The following NKAIN2 variants were observed in gnomAD, a reference collection of about 807,000 sequenced individuals.
NKAIN2 encodes sodium/potassium-transporting ATPase subunit beta-1-interacting protein 2.
NKAIN2 carries 14 observed loss-of-function variants against 32.6 expected under a neutral mutation model. The ratio of observed to expected loss-of-function variants is 0.43; its 90% CI spans 0.28 to 0.67. The LOEUF (loss-of-function observed/expected upper bound fraction) is 0.67. Among genes scored for constraint, NKAIN2 ranks in the 30% least tolerant of loss-of-function variants. NKAIN2 has a pLI of 0.17. For synonymous variants in NKAIN2, 80 were observed against 87.2 expected, an observed-to-expected ratio of 0.92 and a Z score of 0.46; for missense variants, 198 against 258.3, an observed-to-expected ratio of 0.77 and a Z score of 1.60.
At chr6:124,726,011 A>C (rs1465551138) in intron 4 of NKAIN2, among the ~76,000 whole-genome samples, 1 of 152,120 alleles carries the variant, frequency 6.6e-6, no homozygotes, top group Non-Finnish European at 1.5e-5. Context: ...GGCTTAAAAA[A>C]CGGCACACCA....
intron 1 of NKAIN2, among the ~76,000 whole-genome samples, chr6:124,056,405 T>G (rs1351820824): frequency 1.3e-5 from 2 of 151,934 alleles, no homozygotes; most frequent in Admixed American, 1.3e-4. Context: ...CAAAAAAAAC[T>G]TAAAGATATT....
intron 3 of NKAIN2, among the ~76,000 whole-genome samples, chr6:124,644,787 A>G (rs1416303465): frequency 6.6e-6 from 1 of 152,220 alleles, no homozygotes; most frequent in Non-Finnish European, 1.5e-5. Flanking sequence ...TGAAAATTAC[A>G]AAGCATACAG....
At chr6:124,714,398 A>G (rs1343751747) in intron 4 of NKAIN2, among the ~76,000 whole-genome samples, 5 of 152,258 alleles carry the variant, frequency 3.3e-5, no homozygotes, top group Non-Finnish European at 7.3e-5. Flanking sequence ...CAAGGTTCCA[A>G]TAAATGTGAT....
chr6:123,957,132 C>G (rs1175178016), intron 1 of NKAIN2, among the ~76,000 whole-genome samples: 1 of 152,042 alleles, frequency 6.6e-6, no homozygotes, highest in Non-Finnish European at 1.5e-5. Context: ...TCCATGTGTT[C>G]TCATCATAAA....
chr6:124,627,692 G>A (rs755097491), intron 3 of NKAIN2, among the ~76,000 whole-genome samples: 1 of 152,082 alleles, frequency 6.6e-6, no homozygotes, highest in Non-Finnish European at 1.5e-5. Flanking sequence ...CTGAGTTCTT[G>A]TGGGTATCAT....
intron 3 of NKAIN2, among the ~76,000 whole-genome samples, chr6:124,359,256 G>C (rs140146957): frequency 6.8e-6 from 1 of 146,930 alleles, no homozygotes; most frequent in Non-Finnish European, 1.5e-5. Flanking sequence ...GGCAATGTGG[G>C]CTCTTTTTTG....
chr6:123,950,348 A>G (rs1777269431), intron 1 of NKAIN2, among the ~76,000 whole-genome samples: 1 of 151,870 alleles, frequency 6.6e-6, no homozygotes, highest in African/African-American at 2.4e-5. Flanking sequence ...CTCCTTTCCA[A>G]TTTTTTAAAA....
At chr6:124,274,453 G>T (rs1468275609) in intron 1 of NKAIN2, among the ~76,000 whole-genome samples, 1 of 152,044 alleles carries the variant, frequency 6.6e-6, no homozygotes, top group Non-Finnish European at 1.5e-5. Context: ...CAAAGTATTT[G>T]GTAGTAAAGC....
chr6:124,722,858 C>A (rs969690881), intron 4 of NKAIN2, among the ~76,000 whole-genome samples: 3 of 152,220 alleles, frequency 2.0e-5, no homozygotes, highest in African/African-American at 7.2e-5. Flanking sequence ...TGTTTTTTTA[C>A]AGTAACCATC....
At chr6:124,738,201 CTT>C (rs1484340474) in intron 4 of NKAIN2, among the ~76,000 whole-genome samples, 1 of 151,764 alleles carries the variant, frequency 6.6e-6, no homozygotes, top group East Asian at 1.9e-4. Context: ...GAACAGCACA[CTT>C]AACTAATTTT....
chr6:123,992,670 T>G (rs1779462468), intron 1 of NKAIN2, among the ~76,000 whole-genome samples: 1 of 152,216 alleles, frequency 6.6e-6, no homozygotes, highest in Non-Finnish European at 1.5e-5. Flanking sequence ...CATTAATTGC[T>G]TCTATAAAGC....
At chr6:124,228,812 G>T (rs1296884987) in intron 1 of NKAIN2, among the ~76,000 whole-genome samples, 1 of 152,054 alleles carries the variant, frequency 6.6e-6, no homozygotes, top group Non-Finnish European at 1.5e-5. Flanking sequence ...AACGTTAAAT[G>T]GTGCTTCAAA....
intron 3 of NKAIN2, among the ~76,000 whole-genome samples, chr6:124,571,307 G>C (rs1449456741): frequency 6.6e-6 from 1 of 152,114 alleles, no homozygotes; most frequent in African/African-American, 2.4e-5. Context: ...GGCATGACTG[G>C]TTTTAAAAAG....
At chr6:124,335,226 G>T (rs1002713983) in intron 2 of NKAIN2, among the ~76,000 whole-genome samples, 7 of 152,158 alleles carry the variant, frequency 4.6e-5, no homozygotes, top group Non-Finnish European at 1.5e-5. Flanking sequence ...TTAGAAAAAT[G>T]TTATGACTCA....
Position 124,175,697 on chromosome 6 carries a change from G to A in NKAIN2, c.55-107308G>A, listed in dbSNP as rs188964552. Among the ~76,000 whole-genome samples, 520 of 152,082 alleles carry A rather than the reference G, an allele frequency of 3.4e-3. 1 individual carries two copies. The highest frequency in any genetic ancestry group is 0.02 in the Middle Eastern group (6 of 294). On this transcript the variant is annotated intron_variant, in intron 1 of 6. Transcript: ENST00000368417. ...CCCAACCTTTTACTCTTCCCCTTCT[G>A]TTTACAGGATGAACCCCAAAGTCTT...
chr6:124,453,384 CAGG>C (rs1776195170), intron 3 of NKAIN2, among the ~76,000 whole-genome samples: 1 of 142,364 alleles, frequency 7.0e-6, no homozygotes. Flanking sequence ...TGAGGTCAAT[CAGG>C]AGGCTCCAAT....
chr6:124,748,601 CA>C (rs568108454), intron 4 of NKAIN2, among the ~76,000 whole-genome samples: 738 of 151,952 alleles, frequency 4.9e-3, no homozygotes, highest in Non-Finnish European at 7.7e-3. Context: ...ACTTTTCAGA[CA>C]AAACAAGATA....
chr6:123,948,902 A>G (rs549421405), intron 1 of NKAIN2, among the ~76,000 whole-genome samples: 8 of 151,952 alleles, frequency 5.3e-5, no homozygotes, highest in African/African-American at 1.7e-4. Context: ...TAGGTCTCAC[A>G]TTTAAGTCTT....
At chr6:124,572,407 A>G (rs183311482) in intron 3 of NKAIN2, among the ~76,000 whole-genome samples, 6 of 152,370 alleles carry the variant, frequency 3.9e-5, no homozygotes, top group South Asian at 2.1e-4. Context: ...AAGAAATATA[A>G]TGAACCATAA....
Sources: gnomAD v4.1 joint callset for allele counts (sites outside exome capture counted in the v4.1 genomes callset) on GRCh38, gnomAD v4.1.1 for gene constraint, MANE v1.5 for transcripts, NCBI Gene and HGNC (gene_info 2026-07-23, HGNC 2026-07-21) for gene names.